GPC5: variants seen among roughly 807,000 people sequenced by gnomAD.
GPC5 encodes the protein glypican 5, also known as glypican-5.
A neutral mutation model predicts 53.9 loss-of-function variants in GPC5; 47 were observed. The ratio of observed to expected loss-of-function variants is 0.87; its 90% confidence interval spans 0.69 to 1.11. The LOEUF is 1.11. Ranked by LOEUF, GPC5 falls within the 50% of genes most tolerant of loss-of-function variation. GPC5 has a pLI of 0.00. For synonymous variants in GPC5, 286 were observed against 263.3 expected, an observed-to-expected ratio of 1.09 and a Z score of -0.84; for missense variants, 748 against 713.1, an observed-to-expected ratio of 1.05 and a Z score of -0.56.
Position 91,954,417 on chromosome 13 carries a change from A to C in GPC5, c.1401+46360A>C, listed in dbSNP as rs138254587. Among the ~76,000 whole-genome samples the C allele has an allele frequency of 2.1e-3, 323 of 152,326 alleles. 2 individuals are homozygous for C. The highest frequency in any genetic ancestry group is 0.012 in the South Asian group (59 of 4,832). On this transcript the variant is annotated intron_variant, in intron 6 of 7. Transcript: ENST00000377067. ...AATATTGTTTTATTCCAGAGATGCA[A>C]GCTTGGTTTGATATTCAAATAACAA...
chr13:91,554,662 A>G (rs1042601328), intron 2 of GPC5, among the ~76,000 whole-genome samples: 10 of 152,110 alleles, frequency 6.6e-5, no homozygotes, highest in Admixed American at 6.6e-4. Context: ...GGAGTCTGGT[A>G]TATTAGAGTC....
At chr13:92,250,804 T>C (rs917870188) in intron 7 of GPC5, among the ~76,000 whole-genome samples, 1 of 152,074 alleles carries the variant, frequency 6.6e-6, no homozygotes, top group Non-Finnish European at 1.5e-5. Flanking sequence ...AGTAAGGATG[T>C]AATGTAAACT....
chr13:91,889,429 T>G (rs1168475898), intron 5 of GPC5, among the ~76,000 whole-genome samples: 1 of 152,076 alleles, frequency 6.6e-6, no homozygotes, highest in Non-Finnish European at 1.5e-5. Flanking sequence ...TAGTGTTGTT[T>G]TAAGTTTACA....
chr13:92,269,224 T>G (rs1339421405), intron 7 of GPC5, among the ~76,000 whole-genome samples: 1 of 152,160 alleles, frequency 6.6e-6, no homozygotes, highest in Non-Finnish European at 1.5e-5. Flanking sequence ...AATTTGTTTT[T>G]GTATATGCTA....
At chr13:92,242,214 T>C (rs575830368) in intron 7 of GPC5, among the ~76,000 whole-genome samples, 5 of 137,098 alleles carry the variant, frequency 3.6e-5, no homozygotes, top group South Asian at 2.3e-4. Flanking sequence ...GCCTGAGGAA[T>C]AGAGCAAGAC....
chr13:92,057,108 A>C (rs1306014096), intron 6 of GPC5, among the ~76,000 whole-genome samples: 1 of 152,100 alleles, frequency 6.6e-6, no homozygotes, highest in Non-Finnish European at 1.5e-5. Flanking sequence ...AATGGAGTGC[A>C]ATAGAAATGA....
At chr13:92,487,263 A>G (rs1041285882) in intron 7 of GPC5, among the ~76,000 whole-genome samples, 2 of 152,172 alleles carry the variant, frequency 1.3e-5, no homozygotes, top group African/African-American at 2.4e-5. Flanking sequence ...AGAATTCCCT[A>G]AGGTGAGAAA....
chr13:91,423,459 T>C (rs1878783313), intron 1 of GPC5, among the ~76,000 whole-genome samples: 1 of 152,128 alleles, frequency 6.6e-6, no homozygotes, highest in Non-Finnish European at 1.5e-5. Context: ...TGCTGTAAAC[T>C]GGGAGATACA....
At chr13:91,604,558 C>T (rs1201177006) in intron 2 of GPC5, among the ~76,000 whole-genome samples, 4 of 139,270 alleles carry the variant, frequency 2.9e-5, no homozygotes, top group African/African-American at 1.1e-4. Flanking sequence ...AACTAGTTTA[C>T]AGTCCCACCA....
intron 2 of GPC5, among the ~76,000 whole-genome samples, chr13:91,618,574 T>C (rs1346007369): frequency 6.6e-6 from 1 of 152,134 alleles, no homozygotes; most frequent in Non-Finnish European, 1.5e-5. Context: ...CCAGTGTTAG[T>C]TACCCAGAGG....
rs185819842 is a variant in GPC5, at chr13:92,602,632, G to A, written c.1562-263650G>A. On this transcript the variant is annotated intron_variant, in intron 7 of 7. Coordinates refer to ENST00000377067, the MANE Select transcript of GPC5 (RefSeq NM_004466.6). ...GCAGACTCTTTCTGAGAACAGTATA[G>A]GCCAAAAATGAAAGACGGTGTGGGA... is the stretch of plus-strand genomic sequence containing the variant. 3.5e-4 allele frequency among the ~76,000 whole-genome samples: 53 copies of A among 152,168 alleles called. 1 individual carries two copies. In the East Asian group the frequency reaches 9.3e-3, roughly 27 times the overall value.
chr13:91,712,001 C>T (rs776952542), intron 3 of GPC5, among the ~76,000 whole-genome samples: 10 of 152,020 alleles, frequency 6.6e-5, no homozygotes, highest in Non-Finnish European at 8.8e-5. Context: ...AAACTGAATC[C>T]CTTTGAAAAA....
chr13:92,026,713 T>A (rs1307173871), intron 6 of GPC5, among the ~76,000 whole-genome samples: 1 of 152,138 alleles, frequency 6.6e-6, no homozygotes, highest in Non-Finnish European at 1.5e-5. Context: ...TCAGGATTAA[T>A]GAAAAATTAT....
intron 4 of GPC5, among the ~76,000 whole-genome samples, chr13:91,749,253 C>T (rs2037118274): frequency 6.6e-6 from 1 of 152,056 alleles, no homozygotes; most frequent in African/African-American, 2.4e-5. Flanking sequence ...TTGTTTAGCT[C>T]CCACTTATAA....
intron 6 of GPC5, among the ~76,000 whole-genome samples, chr13:92,134,974 G>T (rs1255718504): frequency 6.6e-6 from 1 of 152,054 alleles, no homozygotes; most frequent in Non-Finnish European, 1.5e-5. Context: ...TAAGAAATTT[G>T]CGTCACACAT....
rs776716210 is a variant in GPC5 at position 91,530,408 on chromosome 13, C to T, written c.325+81486C>T. Among the ~76,000 whole-genome samples, 15 of 152,252 alleles carry T rather than the reference C, an allele frequency of 9.9e-5. No individual in the cohort carries two copies. In the South Asian group the frequency reaches 1.9e-3, roughly 19 times the overall value. On this transcript the variant is annotated intron_variant, in intron 2 of 7. Coordinates refer to ENST00000377067, the MANE Select transcript of GPC5 (RefSeq NM_004466.6). ...ATGCTATAATAAATCAAGTTTCCTC[C>T]CTCAGCCAGAACTGGTTCAACTTCT...
At chr13:92,048,240 AAT>A (rs1241535446) in intron 6 of GPC5, among the ~76,000 whole-genome samples, 1 of 151,778 alleles carries the variant, frequency 6.6e-6, no homozygotes, top group African/African-American at 2.4e-5. Context: ...TATTACAAAT[AAT>A]AGTGTATGTT....
At chr13:92,589,289 G>C (rs573063455) in intron 7 of GPC5, among the ~76,000 whole-genome samples, 2 of 152,254 alleles carry the variant, frequency 1.3e-5, no homozygotes, top group South Asian at 4.1e-4. Context: ...CAAATGAGAA[G>C]ATTGAGTTGA....
chr13:91,698,042 C>T (rs1383698275), intron 3 of GPC5, among the ~76,000 whole-genome samples: 1 of 151,972 alleles, frequency 6.6e-6, no homozygotes, highest in East Asian at 1.9e-4. Flanking sequence ...GCTGGAATTA[C>T]AGGCATGCGT....
Sources: gnomAD v4.1 joint callset for allele counts (sites outside exome capture counted in the v4.1 genomes callset) on GRCh38, gnomAD v4.1.1 for gene constraint, MANE v1.5 for transcripts, NCBI Gene and HGNC (gene_info 2026-07-23, HGNC 2026-07-21) for gene names.